ZDHHC21: variants seen among roughly 807,000 people sequenced by gnomAD.
ZDHHC21 encodes zDHHC palmitoyltransferase 21.
ZDHHC21 carries 15 observed loss-of-function variants against 34.6 expected under a neutral mutation model. The ratio of observed to expected loss-of-function variants is 0.43; its 90% CI spans 0.29 to 0.67. ZDHHC21 has a LOEUF of 0.67. Ranked by LOEUF, ZDHHC21 falls within the 30% of genes least tolerant of loss-of-function variation. The pLI is 0.14. For missense variants in ZDHHC21, 344 were observed against 327.7 expected (o/e 1.05, Z -0.38); for synonymous variants, 142 against 101.8 (o/e 1.40, Z -2.38).
intron 2 of ZDHHC21, among the ~76,000 whole-genome samples, chr9:14,688,600 G>A (rs1838706672): frequency 6.6e-6 from 1 of 152,034 alleles, no homozygotes. Flanking sequence ...AGTGGCTCAT[G>A]CCTGTAATCC....
chr9:14,674,334 G>A lies in ZDHHC21; in HGVS notation c.7C>T (p.Leu3Phe), dbSNP rs773550675. The A allele has an allele frequency of 6.3e-7, 1 of 1,593,486 alleles. No individual in the cohort carries two copies. Among genetic ancestry groups the A allele is most frequent in the Non-Finnish European group, 8.5e-7 (1 of 1,172,118 alleles). Residue 3 changes from leucine to phenylalanine, a missense_variant, in exon 4 of 10, where the codon CTC becomes TTC. By Grantham distance (22) the Leu-to-Phe change is conservative. Coordinates refer to ENST00000380916, the MANE Select transcript of ZDHHC21 (RefSeq NM_178566.6). Reference protein sequence around the residue: MGLRIHFVVDPHG... With the variant: MGFRIHFVVDPHG... ...GGGTCAACAACAAAGTGAATCCGGA[G>A]ACCCATTTTGCAATCTTATAACTGC...
At chr9:14,687,826 A>G (rs925587930) in intron 2 of ZDHHC21, among the ~76,000 whole-genome samples, 4 of 151,148 alleles carry the variant, frequency 2.6e-5, no homozygotes, top group African/African-American at 9.9e-5. Context: ...AACAATTTAC[A>G]AGCTAAGTTT....
chr9:14,627,398 A>T (rs1826463220), intron 8 of ZDHHC21, among the ~76,000 whole-genome samples: 1 of 152,200 alleles, frequency 6.6e-6, no homozygotes, highest in Admixed American at 6.6e-5. Flanking sequence ...TTTCTTCTTA[A>T]TTTGAAAAGC....
At chr9:14,607,772 G>C (rs1345764377), downstream of ZDHHC21, among the ~76,000 whole-genome samples, 1 of 152,130 alleles carries the variant, frequency 6.6e-6, no homozygotes, top group East Asian at 1.9e-4. Context: ...GTTCACCTCT[G>C]AGGAGGAAAA....
chr9:14,616,312 C>T lies in ZDHHC21; in HGVS notation c.*2654G>A, dbSNP rs1824144862. The T allele has an allele frequency of 6.6e-6, 1 of 151,664 alleles. No individual in the cohort carries two copies. The highest frequency in any genetic ancestry group is 1.5e-5 in the Non-Finnish European group (1 of 67,726). 9.4% of individuals were successfully genotyped at this position (151,664 alleles called of 1,614,324 possible). A position where few individuals can be genotyped will look rare whatever the true frequency, so the allele number is the denominator to read the frequency against. ...AAATACATAAAATGGCTTAGTTTAT[C>T]CTAATCTGATATAAATTTGTGATTG... is the stretch of plus-strand genomic sequence containing the variant. On this transcript the variant is annotated 3_prime_UTR_variant, in exon 10 of 10. Coordinates refer to ENST00000380916, the MANE Select transcript of ZDHHC21 (RefSeq NM_178566.6).
In ZDHHC21 at chr9:14,611,816, C is replaced by T. The variant is rs1345162690; in HGVS notation, c.*7150G>A. The T allele has an allele frequency of 6.6e-6, 1 of 152,024 alleles. No homozygotes were observed. Among genetic ancestry groups the T allele is most frequent in the Non-Finnish European group, 1.5e-5 (1 of 67,964 alleles). 9.4% of individuals were successfully genotyped at this position (152,024 alleles called of 1,614,324 possible). On this transcript the variant is annotated 3_prime_UTR_variant, in exon 10 of 10. Transcript: ENST00000380916. The stretch of plus-strand genomic sequence containing the variant: ...GTCCTCCCGTGTTAGACTCACAATT[C>T]ACTTGTCGGAATATCTCTGATTCTG...
In ZDHHC21 at chr9:14,677,291, T is replaced by G. The variant is rs952844032; in HGVS notation, c.-46+2742A>C. On this transcript the variant is annotated intron_variant, in intron 3 of 9. Transcript: ENST00000380916. ...AAATAAGATGTTGAATATATTTTTTTTAATACCTGATTGGTAAAACTTAGC... is the reference window on the plus strand; with the variant it reads ...AAATAAGATGTTGAATATATTTTTTGTAATACCTGATTGGTAAAACTTAGC... 7 of 152,128 alleles carry G rather than the reference T, an allele frequency of 4.6e-5. No individual in the cohort carries two copies. The South Asian group carries it at 1.4e-3, about 32-fold the overall frequency. The allele number at this position is 152,128 out of a possible 1,614,324, so 9.4% of individuals were successfully genotyped here.
chr9:14,622,768 C>T (rs978295114), intron 8 of ZDHHC21: 4 of 982,946 alleles, frequency 4.1e-6, no homozygotes, highest in Non-Finnish European at 4.8e-6. Context: ...GAGCCATTGC[C>T]TCTGGACCTG....
At chr9:14,593,735 A>AAC in the ZDHHC21 span, 2 of 152,794 alleles carry the variant, frequency 1.3e-5, no homozygotes, top group African/African-American at 2.4e-5. Context: ...ATGCTGGTCC[A>AAC]GCCCAACCTC....
intron 5 of ZDHHC21, among the ~76,000 whole-genome samples, chr9:14,671,489 G>GT (rs1432057457): frequency 6.6e-6 from 1 of 152,090 alleles, no homozygotes; most frequent in Non-Finnish European, 1.5e-5. Context: ...AAAAAGCAAT[G>GT]TAAGAGGGAG....
rs1167665578 is a variant in ZDHHC21, at chr9:14,614,507, A to G, written c.*4459T>C. ...TAAATACTGATTAACATATAGAATT[A>G]CAACACTGGTTCAAAATAGTTCAAG... On this transcript the variant is annotated 3_prime_UTR_variant, in exon 10 of 10. Transcript: ENST00000380916. 1 of 151,762 alleles carries G rather than the reference A, an allele frequency of 6.6e-6. No homozygotes were observed. The highest frequency in any genetic ancestry group is 1.5e-5 in the Non-Finnish European group (1 of 67,758). The allele number at this position is 151,762 out of a possible 1,614,324, so 9.4% of individuals were successfully genotyped here.
At chr9:14,647,909 A>G (rs1830545123) in intron 7 of ZDHHC21, among the ~76,000 whole-genome samples, 3 of 152,138 alleles carry the variant, frequency 2.0e-5, no homozygotes, top group Admixed American at 6.6e-5. Flanking sequence ...AAATTTATTT[A>G]TCTAGCTCAG....
chr9:14,673,237 C>T (rs1354893441), intron 4 of ZDHHC21, among the ~76,000 whole-genome samples: 1 of 151,776 alleles, frequency 6.6e-6, no homozygotes, highest in African/African-American at 2.4e-5. Flanking sequence ...TGAATAGGCT[C>T]CCGTTTAATT....
At chr9:14,658,312 A>G (rs2133903457) in intron 7 of ZDHHC21, among the ~76,000 whole-genome samples, 1 of 151,568 alleles carries the variant, frequency 6.6e-6, no homozygotes, top group South Asian at 2.1e-4. Context: ...CTCAATCCCA[A>G]TATAGTTCAA....
the ZDHHC21 span, among the ~76,000 whole-genome samples, chr9:14,590,768 AT>A: frequency 1.3e-5 from 2 of 152,320 alleles, no homozygotes; most frequent in East Asian, 3.9e-4. Flanking sequence ...AGACAGAAGG[AT>A]AAAGATGCTA....
intron 8 of ZDHHC21, among the ~76,000 whole-genome samples, chr9:14,627,732 T>A (rs1372548517): frequency 6.6e-6 from 1 of 152,228 alleles, no homozygotes; most frequent in Non-Finnish European, 1.5e-5. Flanking sequence ...CTGTACCAGC[T>A]GTTACAGCAC....
In ZDHHC21 at chr9:14,688,241, A is replaced by T. The variant is rs1838646535; in HGVS notation, c.-176+2096T>A. The stretch of plus-strand genomic sequence containing the variant: ...CTGTAAAATGGAGATAAAAATGTCA[A>T]CTTACACAGTTGCTGTCACGCTTAA... On this transcript the variant is annotated intron_variant, in intron 2 of 9. Transcript: ENST00000380916. Among the ~76,000 whole-genome samples, 2 of 150,948 alleles carry T rather than the reference A, an allele frequency of 1.3e-5. 1 individual carries two copies. The highest frequency in any genetic ancestry group is 5.0e-5 in the African/African-American group (2 of 40,204).
Position 14,652,487 on chromosome 9 carries a change from G to A in ZDHHC21, c.504+6262C>T, listed in dbSNP as rs1047111288. ...AAAACATATAAATCTTTGAACGTTC[G>A]TGATAAAAGAATATTTTAAAAGTAA... On this transcript the variant is annotated intron_variant, in intron 7 of 9. Transcript: ENST00000380916. Among the ~76,000 whole-genome samples the A allele has an allele frequency of 3.3e-5, 5 of 151,938 alleles. No homozygotes were observed. In the South Asian group the frequency reaches 6.2e-4, roughly 19 times the overall value.
chr9:14,621,071 T>C (rs1825220904), intron 8 of ZDHHC21, among the ~76,000 whole-genome samples: 1 of 152,050 alleles, frequency 6.6e-6, no homozygotes, highest in Admixed American at 6.6e-5. Flanking sequence ...GTAAAGGAAG[T>C]AAGTCATTTT....
Sources: gnomAD v4.1 joint callset for allele counts (sites outside exome capture counted in the v4.1 genomes callset) on GRCh38, gnomAD v4.1.1 for gene constraint, MANE v1.5 for transcripts, NCBI Gene and HGNC (gene_info 2026-07-23, HGNC 2026-07-21) for gene names.